CCT4: variants seen among roughly 807,000 people sequenced by gnomAD.
CCT4 encodes T-complex protein 1 subunit delta.
CCT4 carries 17 observed loss-of-function variants against 62.5 expected under a neutral mutation model. That is an observed-to-expected ratio of 0.27 (90% confidence interval 0.19 to 0.41). The LOEUF (loss-of-function observed/expected upper bound fraction) is 0.41, where lower values mean the gene tolerates loss of function less well. Ranked by LOEUF, CCT4 falls within the 10% of genes least tolerant of loss-of-function variation. CCT4 has a pLI of 1.00. For missense variants in CCT4, 592 were observed against 659.2 expected (o/e 0.90, Z 1.12); for synonymous variants, 250 against 229.9 (o/e 1.09, Z -0.79).
chr2:61,872,390 C>G, intron 11 of CCT4, 68 bp downstream of exon 11: 2 of 1,434,820 alleles, frequency 1.4e-6, no homozygotes, highest in African/African-American at 1.4e-5. Flanking sequence ...CTATTTATAT[C>G]TTTAAAAAAT....
rs771947617 is a variant in CCT4 at position 61,873,278 on chromosome 2, A to T, written c.933T>A (p.Asp311Glu). ...QKSILRDALS[D>E]LALHFLNKMK... ...TTTTATTCAGAAAGTGTAATGCAAG[A>T]TCACTAAGAGCATCTCTAAAATACA... is the stretch of plus-strand genomic sequence containing the variant. The change falls in exon 9 of 14, where the codon GAT (aspartate) becomes GAA (glutamate). Residue 311 changes from aspartate (D) to glutamate (E), a missense_variant. Physicochemically the swap from Asp to Glu is conservative, Grantham distance 45 (BLOSUM62 2). This residue lies in a region of CCT4 where 522 missense variants were observed against 571.2 expected (regional missense o/e 0.91). Coordinates refer to ENST00000394440, the MANE Select transcript of CCT4 (RefSeq NM_006430.4). The T allele has an allele frequency of 5.8e-6, 9 of 1,544,762 alleles. No individual in the cohort carries two copies. The South Asian group carries it at 1.0e-4, about 17-fold the overall frequency.
intron 1 of CCT4, among the ~76,000 whole-genome samples, chr2:61,887,215 A>T (rs1669275168): frequency 6.6e-6 from 1 of 152,182 alleles, no homozygotes; most frequent in Non-Finnish European, 1.5e-5. Flanking sequence ...TTTCCAACTC[A>T]TTAGGACAAG....
chr2:61,873,340 T>C lies in CCT4; in HGVS notation c.918-47A>G, dbSNP rs891952556. 6 of 1,038,852 alleles carry C rather than the reference T, an allele frequency of 5.8e-6. No individual in the cohort carries two copies. The African/African-American group carries it at 6.4e-5, about 11-fold the overall frequency. The allele number at this position is 1,038,852 out of a possible 1,614,324, so 64.4% of individuals were successfully genotyped here. A position where few individuals can be genotyped will look rare whatever the true frequency, so the allele number is the denominator to read the frequency against. Reference sequence around the variant, plus strand: ...TATGTCAATGCTAGATTAAAAAAATTTTGCTCTTCAAATGCCTTTAAGGTT... The same window carrying C: ...TATGTCAATGCTAGATTAAAAAAATCTTGCTCTTCAAATGCCTTTAAGGTT... On this transcript the variant is annotated intron_variant, in intron 8 of 13. Transcript: ENST00000394440.
intron 12 of CCT4, among the ~76,000 whole-genome samples, chr2:61,871,031 GTT>G (rs747752539): frequency 2.9e-5 from 4 of 138,790 alleles, no homozygotes. Context: ...TCTATTAATA[GTT>G]TTTTTTTTTT....
At chr2:61,877,125 T>G (rs1669018082) in intron 6 of CCT4, 73 bp from the exon 7 acceptor site, 1 of 1,330,770 alleles carries the variant, frequency 7.5e-7, no homozygotes, top group Non-Finnish European at 1.1e-6. Flanking sequence ...GATGAACAGA[T>G]TAAAAGTCAT....
rs765291166 is a variant in CCT4 at position 61,872,157 on chromosome 2, A to C, written c.1416T>G (p.Asn472Lys). Residue 472 changes from asparagine to lysine, a missense_variant, in exon 12 of 14, where the codon AAT (asparagine) becomes AAG (lysine). By Grantham distance (94) the Asn-to-Lys change is moderately conservative (BLOSUM62 0). Coordinates refer to ENST00000394440, the MANE Select transcript of CCT4 (RefSeq NM_006430.4). ...TTAGTTCTGTTACTGTAGAAATGGGATTCAGGCCGGCATTTTCAGCTAGTG... is the reference window on the plus strand; with the variant it reads ...TTAGTTCTGTTACTGTAGAAATGGGCTTCAGGCCGGCATTTTCAGCTAGTG... ...PSTLAENAGL[N>K]PISTVTELRN... 7 of 1,613,922 alleles carry C rather than the reference A, an allele frequency of 4.3e-6. No individual in the cohort carries two copies. In the African/African-American group the frequency reaches 9.3e-5, roughly 22 times the overall value.
intron 8 of CCT4, 129 bp downstream of exon 8, chr2:61,875,965 TA>T: frequency 1.8e-6 from 1 of 566,558 alleles, no homozygotes; most frequent in Non-Finnish European, 3.1e-6. Context: ...TCGTTTCACC[TA>T]AGAGTTGTCT....
chr2:61,880,162 G>A, intron 4 of CCT4, 124 bp downstream of exon 4: 1 of 486,578 alleles, frequency 2.1e-6, no homozygotes, highest in Non-Finnish European at 3.6e-6. Flanking sequence ...AAAAATTCTT[G>A]GTAAAAAGAT....
chr2:61,874,953 T>A (rs1484510303), intron 8 of CCT4, among the ~76,000 whole-genome samples: 1 of 152,012 alleles, frequency 6.6e-6, no homozygotes, highest in Non-Finnish European at 1.5e-5. Flanking sequence ...AGGACCAGCC[T>A]GACTAACAGA....
In CCT4 at chr2:61,888,556, G is replaced by A. The variant is rs766912563; in HGVS notation, c.-49C>T. ...TGGCTCGGGAAGGACGGATGGACCC[G>A]GATTCTGGCCGGCCGCAGTGTAATA... On this transcript the variant is annotated 5_prime_UTR_variant, in exon 1 of 14. Coordinates refer to ENST00000394440, the MANE Select transcript of CCT4 (RefSeq NM_006430.4). 3.8e-6 allele frequency: 6 copies of A among 1,588,486 alleles called. No individual in the cohort carries two copies. The highest frequency in any genetic ancestry group is 5.1e-6 in the Non-Finnish European group (6 of 1,167,744).
intron 13 of CCT4, among the ~76,000 whole-genome samples, chr2:61,869,145 A>AAAAAAAAAAAG (rs1668832487): frequency 1.8e-3 from 3 of 1,700 alleles, no homozygotes; most frequent in Non-Finnish European, 8.4e-3. Flanking sequence ...TCGTCTCAGA[A>AAAAAAAAAAAG]AAAAAAAAAA....
chr2:61,870,129 T>C (rs1668853445), intron 12 of CCT4, among the ~76,000 whole-genome samples: 1 of 151,304 alleles, frequency 6.6e-6, no homozygotes, highest in Non-Finnish European at 1.5e-5. Context: ...TACAATAAAT[T>C]AGCCAGGCGT....
intron 1 of CCT4, 183 bp downstream of exon 1, chr2:61,888,198 C>T: frequency 2.8e-6 from 2 of 702,736 alleles, no homozygotes; most frequent in Non-Finnish European, 4.5e-6. Context: ...GGCCTCCATA[C>T]TCCGGGTTGG....
intron 1 of CCT4, among the ~76,000 whole-genome samples, chr2:61,885,494 T>A (rs984356104): frequency 2.0e-5 from 3 of 152,146 alleles, no homozygotes; most frequent in African/African-American, 7.2e-5. Flanking sequence ...CACTGCAACC[T>A]CCGCCTCCTG....
rs1334511939 is a variant in CCT4, at chr2:61,868,548, A to G, written c.*144T>C. On this transcript the variant is annotated 3_prime_UTR_variant, in exon 14 of 14. Coordinates refer to ENST00000394440, the MANE Select transcript of CCT4 (RefSeq NM_006430.4). Reference sequence around the variant, plus strand: ...TTAATATTTTCATTAAATTGTTTCAATACAACTTCAGGCAAATGCCAACTG... The same window carrying G: ...TTAATATTTTCATTAAATTGTTTCAGTACAACTTCAGGCAAATGCCAACTG... 1 of 593,208 alleles carries G rather than the reference A, an allele frequency of 1.7e-6. No homozygotes were observed. The highest frequency in any genetic ancestry group is 1.8e-5 in the African/African-American group (1 of 54,428). The allele number at this position is 593,208 out of a possible 1,614,324, so 36.7% of individuals were successfully genotyped here. A position where few individuals can be genotyped will look rare whatever the true frequency, so the allele number is the denominator to read the frequency against.
intron 8 of CCT4, among the ~76,000 whole-genome samples, chr2:61,873,722 C>G (rs994503209): frequency 6.6e-6 from 1 of 152,164 alleles, no homozygotes; most frequent in Non-Finnish European, 1.5e-5. Flanking sequence ...CCCGCCACCA[C>G]ACCTGGCTAA....
chr2:61,878,775 T>C, intron 5 of CCT4, 94 bp downstream of exon 5: 1 of 797,344 alleles, frequency 1.3e-6, no homozygotes, highest in Non-Finnish European at 1.9e-6. Context: ...TAGCCACTCT[T>C]GAGATTTAGT....
chr2:61,875,909 G>C (rs1043871661), intron 8 of CCT4, among the ~76,000 whole-genome samples, 186 bp downstream of exon 8: 28 of 152,018 alleles, frequency 1.8e-4, no homozygotes, highest in African/African-American at 6.8e-4. Context: ...GTACAATATT[G>C]AGGCCTAACA....
chr2:61,868,543 T>C lies in CCT4; in HGVS notation c.*149A>G. 1.8e-6 allele frequency: 1 copy of C among 560,850 alleles called. No homozygotes were observed. The allele number at this position is 560,850 out of a possible 1,614,324, so 34.7% of individuals were successfully genotyped here. On this transcript the variant is annotated 3_prime_UTR_variant, in exon 14 of 14. Transcript: ENST00000394440. ...AATATTTAATATTTTCATTAAATTG[T>C]TTCAATACAACTTCAGGCAAATGCC...
Sources: gnomAD v4.1 joint callset for allele counts (sites outside exome capture counted in the v4.1 genomes callset) on GRCh38, gnomAD v4.1.1 for gene constraint, gnomAD v4.1.1 regional missense constraint, MANE v1.5 for transcripts, NCBI Gene and HGNC (gene_info 2026-07-23, HGNC 2026-07-21) for gene names.